Variants in MTUS2 observed in about 807,000 individuals in gnomAD.
The protein encoded by MTUS2 is microtubule-associated tumor suppressor candidate 2.
In MTUS2, 40 loss-of-function variants were observed where a neutral mutation model predicts 114.1. The observed-to-expected ratio is 0.35, with a 90% CI of 0.27 to 0.46. The LOEUF (loss-of-function observed/expected upper bound fraction) is 0.46, where lower values mean the gene tolerates loss of function less well. MTUS2 is among the 20% of genes least tolerant of loss of function. The pLI, the probability that MTUS2 is intolerant of heterozygous loss-of-function variation, is 1.00. For missense variants in MTUS2, 1,679 were observed against 1,705.4 expected (o/e 0.98, Z 0.27); for synonymous variants, 688 against 672.0 (o/e 1.02, Z -0.37).
chr13:28,823,725 C>T (rs550031823), intron 1 of MTUS2, among the ~76,000 whole-genome samples: 44 of 152,266 alleles, frequency 2.9e-4, no homozygotes, highest in African/African-American at 1.0e-3. Flanking sequence ...CTGTTCTCAC[C>T]TTGCTGATAA....
chr13:28,873,399 T>G (rs1378074550), intron 2 of MTUS2, among the ~76,000 whole-genome samples: 1 of 152,240 alleles, frequency 6.6e-6, no homozygotes, highest in Admixed American at 6.5e-5. Flanking sequence ...CTGTCTAGTT[T>G]AGAACTAAGT....
At chr13:29,164,167 C>T (rs1406823475) in intron 5 of MTUS2, among the ~76,000 whole-genome samples, 2 of 152,166 alleles carry the variant, frequency 1.3e-5, no homozygotes, top group South Asian at 2.1e-4. Context: ...GGCTAGATGA[C>T]TAGAAAATAA....
At chr13:29,411,249 G>C (rs1301129178) in intron 8 of MTUS2, among the ~76,000 whole-genome samples, 5 of 152,194 alleles carry the variant, frequency 3.3e-5, no homozygotes, top group Non-Finnish European at 7.3e-5. Flanking sequence ...TTTGGAGTTT[G>C]TTCCGGGGCA....
At chr13:28,956,425 A>AC (rs1376733835) in intron 2 of MTUS2, among the ~76,000 whole-genome samples, 6 of 152,056 alleles carry the variant, frequency 3.9e-5, no homozygotes, top group South Asian at 2.1e-4. Context: ...TACCTGCTCC[A>AC]CCCCCACTGG....
rs528362226 is a variant in MTUS2 at position 29,347,632 on chromosome 13, T to C, written c.2906-11630T>C. ...CACTTCTCTGTGGACGCCACCTGAG[T>C]GTCCTACAATTTGATTCAAGTATAA... On this transcript the variant is annotated intron_variant, in intron 7 of 15. Transcript: ENST00000612955. Among the ~76,000 whole-genome samples the C allele has an allele frequency of 1.3e-4, 20 of 152,058 alleles. No individual in the cohort carries two copies. The South Asian group carries it at 4.0e-3, about 30-fold the overall frequency.
intron 6 of MTUS2, among the ~76,000 whole-genome samples, chr13:29,319,930 GT>G (rs1300276530): frequency 7.9e-5 from 12 of 152,338 alleles, no homozygotes; most frequent in Middle Eastern, 6.8e-3. Context: ...CAGTTAGTGA[GT>G]TTTTGGTGAG....
At chr13:28,989,404 T>C (rs994865199) in intron 2 of MTUS2, among the ~76,000 whole-genome samples, 4 of 152,192 alleles carry the variant, frequency 2.6e-5, no homozygotes, top group African/African-American at 4.8e-5. Flanking sequence ...AGTTCAGACA[T>C]ACAGCTAAGA....
At chr13:29,396,867 A>G (rs1408485271) in intron 8 of MTUS2, among the ~76,000 whole-genome samples, 1 of 152,224 alleles carries the variant, frequency 6.6e-6, no homozygotes, top group Non-Finnish European at 1.5e-5. Context: ...GGCCAGTGAC[A>G]TTGAAACATG....
intron 5 of MTUS2, among the ~76,000 whole-genome samples, chr13:29,184,317 G>C (rs1387059933): frequency 6.6e-6 from 1 of 152,094 alleles, no homozygotes; most frequent in African/African-American, 2.4e-5. Context: ...CCTTCCAAAG[G>C]CAGTCACTGT....
chr13:29,278,225 A>G (rs1898137462), intron 5 of MTUS2, among the ~76,000 whole-genome samples: 1 of 152,238 alleles, frequency 6.6e-6, no homozygotes, highest in South Asian at 2.1e-4. Context: ...ATAGGAGAAC[A>G]TCTTTATGAT....
intron 5 of MTUS2, among the ~76,000 whole-genome samples, chr13:29,189,944 G>A (rs1347170517): frequency 6.6e-6 from 1 of 152,172 alleles, no homozygotes; most frequent in East Asian, 1.9e-4. Flanking sequence ...TGAGGGTAGA[G>A]CTCCCACAGT....
intron 4 of MTUS2, among the ~76,000 whole-genome samples, chr13:29,043,212 G>T (rs1470267756): frequency 6.6e-6 from 1 of 152,054 alleles, no homozygotes; most frequent in Non-Finnish European, 1.5e-5. Context: ...TCAAGAGCAG[G>T]TTGTTTAATT....
chr13:29,274,704 T>C (rs979983145), intron 5 of MTUS2, among the ~76,000 whole-genome samples: 8 of 152,056 alleles, frequency 5.3e-5, no homozygotes, highest in African/African-American at 1.9e-4. Context: ...TTTAATTGGG[T>C]TATTTGGCTT....
At chr13:28,902,106 G>A (rs921821046) in intron 2 of MTUS2, among the ~76,000 whole-genome samples, 6 of 152,206 alleles carry the variant, frequency 3.9e-5, no homozygotes, top group South Asian at 4.1e-4. Flanking sequence ...TATAAATCTT[G>A]TGTTTTCGAT....
chr13:29,178,314 A>C (rs1893858820), intron 5 of MTUS2, among the ~76,000 whole-genome samples: 1 of 152,076 alleles, frequency 6.6e-6, no homozygotes, highest in Admixed American at 6.6e-5. Flanking sequence ...ACTTTCCCAA[A>C]CGACCCATTG....
intron 5 of MTUS2, chr13:29,240,267 A>G (rs919767723): frequency 2.6e-5 from 4 of 152,226 alleles, no homozygotes; most frequent in Non-Finnish European, 2.9e-5. Context: ...GGTTACCAGC[A>G]TTAATACTAA....
intron 2 of MTUS2, among the ~76,000 whole-genome samples, chr13:28,944,798 GATAGGTAC>G (rs1198448279): frequency 1.3e-5 from 2 of 152,150 alleles, no homozygotes; most frequent in Non-Finnish European, 2.9e-5. Context: ...CACCATTCGT[GATAGGTAC>G]ATCCTTTTTC....
intron 2 of MTUS2, among the ~76,000 whole-genome samples, chr13:28,874,167 G>A (rs9550410): frequency 0.17 from 26,105 of 151,772 alleles, 2,732 homozygotes; most frequent in African/African-American, 0.29. Flanking sequence ...ACAGGCACCC[G>A]CCACCATGTC....
chr13:29,313,445 G>A (rs1304652888), intron 6 of MTUS2, among the ~76,000 whole-genome samples: 2 of 152,152 alleles, frequency 1.3e-5, no homozygotes, highest in Non-Finnish European at 2.9e-5. Flanking sequence ...GTGACAGTGA[G>A]TTCAATTTTG....
Sources: gnomAD v4.1 joint callset for allele counts (sites outside exome capture counted in the v4.1 genomes callset) on GRCh38, gnomAD v4.1.1 for gene constraint, MANE v1.5 for transcripts, NCBI Gene and HGNC (gene_info 2026-07-23, HGNC 2026-07-21) for gene names.